DSC3: variants seen among roughly 807,000 people sequenced by gnomAD.
The protein encoded by DSC3 is desmocollin-3.
A neutral mutation model predicts 89.5 loss-of-function variants in DSC3; 97 were observed. That is an observed-to-expected ratio of 1.08 (90% CI 0.92 to 1.28). DSC3 has a LOEUF of 1.28. Among genes scored for constraint, DSC3 ranks in the 50% most tolerant of loss-of-function variants. DSC3 has a pLI of 0.00. For missense variants in DSC3, 1,199 were observed against 1,085.3 expected (o/e 1.10, Z -1.47); for synonymous variants, 436 against 384.1 (o/e 1.14, Z -1.58).
At chr18:31,031,777 G>A (rs1985799596) in intron 2 of DSC3, among the ~76,000 whole-genome samples, 2 of 152,042 alleles carry the variant, frequency 1.3e-5, no homozygotes, top group Admixed American at 6.6e-5. Flanking sequence ...GGGATTTCTG[G>A]CCTCTAGTAA....
intron 1 of DSC3, 41 bp downstream of exon 1, chr18:31,042,551 C>A (rs1444832611): frequency 6.5e-7 from 1 of 1,539,628 alleles, no homozygotes; most frequent in Non-Finnish European, 8.8e-7. Context: ...CGGATCCACC[C>A]CCGTCCCCAC....
chr18:31,007,034 T>G lies in DSC3; in HGVS notation c.1761A>C (p.Pro587=). 1 of 1,613,906 alleles carries G rather than the reference T, an allele frequency of 6.2e-7. No homozygotes were observed. Among genetic ancestry groups the G allele is most frequent in the Non-Finnish European group, 8.5e-7 (1 of 1,179,866 alleles). ...CTAAAATGTCGGTATACCCCATTTT[T>G]GGTTTGCAAATGACTACATATTCTT... is the stretch of plus-strand genomic sequence containing the variant. The part of the protein sequence containing the change: ...ILQEYVVICK[P]KMGYTDILAV... The change falls in exon 12 of 16, where the codon CCA becomes CCC. Residue 587 remains proline (P), a synonymous_variant. Transcript: ENST00000360428.
chr18:31,025,638 C>T, intron 5 of DSC3, 122 bp downstream of exon 5: 1 of 1,062,994 alleles, frequency 9.4e-7, no homozygotes, highest in Non-Finnish European at 1.4e-6. Context: ...TTCTATTTCC[C>T]ATTGACTCTA....
chr18:30,995,984 A>AAAAAAAAG (rs2144671343), intron 15 of DSC3, among the ~76,000 whole-genome samples: 1 of 146,758 alleles, frequency 6.8e-6, no homozygotes, highest in Admixed American at 6.8e-5. Context: ...AAAAAAAAAA[A>AAAAAAAAG]AAAAAAAAAA....
rs1282542228 is a variant in DSC3, at chr18:30,994,279, A to G, written c.2587T>C (p.Ser863Pro). ...NYEGRGSPAG[S>P]VGCCSEKQEE... ...TGCTTTTCACTGCAGCAGCCCACAG[A>G]ACCAGCTGGAGATCCTCTTCCCTCA... Residue 863 changes from serine to proline, a missense_variant, in exon 16 of 16, where the codon TCT becomes CCT. Physicochemically the swap from Ser to Pro is moderately conservative, Grantham distance 74 (BLOSUM62 -1). Transcript: ENST00000360428. 6.2e-7 allele frequency: 1 copy of G among 1,613,988 alleles called. No homozygotes were observed. The highest frequency in any genetic ancestry group is 8.5e-7 in the Non-Finnish European group (1 of 1,180,002).
At chr18:30,996,494 T>C (rs945080905) in intron 15 of DSC3, among the ~76,000 whole-genome samples, 6 of 152,092 alleles carry the variant, frequency 3.9e-5, no homozygotes, top group African/African-American at 1.4e-4. Flanking sequence ...ACTTTCACGA[T>C]CTTCTATATC....
At chr18:31,024,013 T>C (rs1985511417) in intron 6 of DSC3, among the ~76,000 whole-genome samples, 1 of 152,104 alleles carries the variant, frequency 6.6e-6, no homozygotes, top group Non-Finnish European at 1.5e-5. Flanking sequence ...TATTGTTCAT[T>C]CCACCCTGCA....
At chr18:31,041,750 A>G (rs1308390782) in intron 1 of DSC3, among the ~76,000 whole-genome samples, 2 of 152,122 alleles carry the variant, frequency 1.3e-5, no homozygotes, top group Non-Finnish European at 1.5e-5. Flanking sequence ...TTCCTCTCCT[A>G]GAGGATTTCG....
intron 9 of DSC3, among the ~76,000 whole-genome samples, chr18:31,012,400 C>T (rs1985100268): frequency 6.6e-6 from 1 of 152,104 alleles, no homozygotes; most frequent in African/African-American, 2.4e-5. Flanking sequence ...GATACCAAGC[C>T]AGAAGGAGAA....
chr18:31,007,000 G>T lies in DSC3; in HGVS notation c.1795C>A (p.Pro599Thr), dbSNP rs765524420. The T allele has an allele frequency of 1.9e-6, 3 of 1,613,946 alleles. No individual in the cohort carries two copies. Among genetic ancestry groups the T allele is most frequent in the Non-Finnish European group, 2.5e-6 (3 of 1,179,942 alleles). The change falls in exon 12 of 16, where the codon CCT (proline) becomes ACT (threonine). Residue 599 changes from proline (P) to threonine (T), a missense_variant. By Grantham distance (38) the Pro-to-Thr change is conservative (BLOSUM62 -1). Transcript: ENST00000360428. ...GGAGCTCCATGGACAGGTTCATCAG[G>T]ATCAACAGCTAAAATGTCGGTATAC... ...MGYTDILAVDPDEPVHGAPFY... is the reference protein window; with the variant it reads ...MGYTDILAVDTDEPVHGAPFY...
chr18:31,015,197 AT>A lies in DSC3; in HGVS notation c.1263+2873del, dbSNP rs542750989. 4.5e-3 allele frequency among the ~76,000 whole-genome samples: 692 copies of A among 152,308 alleles called. 5 individuals carry two copies. The highest frequency in any genetic ancestry group is 0.015 in the African/African-American group (616 of 41,572). On this transcript the variant is annotated intron_variant, in intron 9 of 15. Transcript: ENST00000360428. ...AAATGTATATAAATGTATTGGGGAA[AT>A]TTTTGATACACTCCAGATGTGAAAT...
At chr18:31,035,114 T>C (rs1049434648) in intron 1 of DSC3, among the ~76,000 whole-genome samples, 2 of 152,142 alleles carry the variant, frequency 1.3e-5, no homozygotes, top group Non-Finnish European at 2.9e-5. Context: ...CACAAAGAAG[T>C]ATTTTATTTC....
chr18:31,031,954 T>C (rs920082167), intron 2 of DSC3, among the ~76,000 whole-genome samples: 1 of 152,152 alleles, frequency 6.6e-6, no homozygotes, highest in Admixed American at 6.5e-5. Flanking sequence ...TTAATTCAAA[T>C]CTGTCCCAGG....
chr18:31,011,932 A>G (rs866831030), intron 9 of DSC3, among the ~76,000 whole-genome samples: 1 of 78,104 alleles, frequency 1.3e-5, no homozygotes, highest in Non-Finnish European at 2.3e-5. Flanking sequence ...CAAAAAAAAG[A>G]AAAAAAAAAA....
intron 7 of DSC3, among the ~76,000 whole-genome samples, chr18:31,021,856 A>T (rs1464497588): frequency 6.6e-6 from 1 of 152,198 alleles, no homozygotes; most frequent in Non-Finnish European, 1.5e-5. Context: ...AGCACTAGAT[A>T]CATGACAATA....
At chr18:31,042,499 G>T in intron 1 of DSC3, 93 bp downstream of exon 1, 1 of 1,330,286 alleles carries the variant, frequency 7.5e-7, no homozygotes, top group Non-Finnish European at 1.1e-6. Flanking sequence ...CGGTTGTCAC[G>T]TTTCGGCCCG....
intron 1 of DSC3, among the ~76,000 whole-genome samples, chr18:31,033,522 T>C (rs976008084): frequency 1.3e-5 from 2 of 152,138 alleles, no homozygotes; most frequent in Non-Finnish European, 2.9e-5. Context: ...ACAAATGGTG[T>C]TGGGATAATT....
chr18:31,028,875 G>A (rs1985687009), intron 4 of DSC3, among the ~76,000 whole-genome samples: 1 of 152,040 alleles, frequency 6.6e-6, no homozygotes, highest in Non-Finnish European at 1.5e-5. Flanking sequence ...TCCCTCTTCA[G>A]CCTCATCTCC....
chr18:31,030,564 A>G (rs1985750427), intron 3 of DSC3, among the ~76,000 whole-genome samples: 1 of 152,218 alleles, frequency 6.6e-6, no homozygotes, highest in Admixed American at 6.5e-5. Flanking sequence ...TAGAATGTAG[A>G]GGTGGAAGAA....
Sources: gnomAD v4.1 joint callset for allele counts (sites outside exome capture counted in the v4.1 genomes callset) on GRCh38, gnomAD v4.1.1 for gene constraint, MANE v1.5 for transcripts, NCBI Gene and HGNC (gene_info 2026-07-23, HGNC 2026-07-21) for gene names.